The following SREBF2 variants were observed in gnomAD, a reference collection of about 807,000 sequenced individuals.
SREBF2 encodes sterol regulatory element binding transcription factor 2.
Under a neutral mutation model 113.1 loss-of-function variants are expected in SREBF2, and 55 were observed. The observed-to-expected ratio is 0.49, with a 90% CI of 0.39 to 0.61. The LOEUF is 0.61. SREBF2 is among the 20% of genes least tolerant of loss of function. SREBF2 has a pLI of 0.00. For synonymous variants in SREBF2, 593 were observed against 605.7 expected (o/e 0.98, Z 0.31); for missense variants, 1,349 against 1,487.4 (o/e 0.91, Z 1.53).
intron 13 of SREBF2, among the ~76,000 whole-genome samples, chr22:41,895,604 T>A (rs554492331): frequency 1.3e-5 from 2 of 151,316 alleles, no homozygotes; most frequent in African/African-American, 2.4e-5. Context: ...CCTGGCTAAT[T>A]TTTGTACTTT....
intron 16 of SREBF2, among the ~76,000 whole-genome samples, chr22:41,901,620 C>T (rs1477730472): frequency 6.6e-6 from 1 of 152,146 alleles, no homozygotes; most frequent in Non-Finnish European, 1.5e-5. Context: ...GAGATTGCAC[C>T]ACTGCACTCC....
intron 10 of SREBF2, among the ~76,000 whole-genome samples, chr22:41,881,744 G>A (rs1347414305): frequency 6.6e-6 from 1 of 152,180 alleles, no homozygotes; most frequent in Non-Finnish European, 1.5e-5. Flanking sequence ...TAGGAAAATA[G>A]TGATATGATC....
chr22:41,903,684 A>G (rs570574967), intron 17 of SREBF2, among the ~76,000 whole-genome samples: 4 of 152,362 alleles, frequency 2.6e-5, no homozygotes, highest in Non-Finnish European at 5.9e-5. Flanking sequence ...TTGTATTGCT[A>G]TATAATGTAT....
intron 1 of SREBF2, among the ~76,000 whole-genome samples, chr22:41,835,151 T>A (rs913334615): frequency 8.1e-5 from 5 of 61,412 alleles, no homozygotes; most frequent in African/African-American, 1.4e-4. Flanking sequence ...ATTTTTAAAT[T>A]TAAATTTTTA....
At chr22:41,897,717 G>T (rs1348595506) in intron 14 of SREBF2, among the ~76,000 whole-genome samples, 4 of 152,210 alleles carry the variant, frequency 2.6e-5, no homozygotes, top group Non-Finnish European at 5.9e-5. Flanking sequence ...CACCCTGGAA[G>T]ATGGGGGTAC....
Position 41,905,795 on chromosome 22 carries a change from C to A in SREBF2, c.*135C>A. 2.1e-6 allele frequency: 2 copies of A among 975,414 alleles called. No individual in the cohort carries two copies. The highest frequency in any genetic ancestry group is 3.2e-6 in the Non-Finnish European group (2 of 624,516). 60.4% of individuals were successfully genotyped at this position (975,414 alleles called of 1,614,324 possible). ...TGCCGAGGCTTCTGGGCCACTCAGG[C>A]CAGTGCACCCCTGGGCAGAGCCCCT... is the stretch of plus-strand genomic sequence containing the variant. On this transcript the variant is annotated 3_prime_UTR_variant, in exon 19 of 19. Coordinates refer to ENST00000361204, the MANE Select transcript of SREBF2 (RefSeq NM_004599.4).
intron 10 of SREBF2, among the ~76,000 whole-genome samples, chr22:41,882,443 C>T (rs1026903791): frequency 7.2e-5 from 11 of 152,124 alleles, no homozygotes; most frequent in Non-Finnish European, 1.2e-4. Context: ...GAGTGAAAAG[C>T]AAGGGAGCCT....
intron 2 of SREBF2, among the ~76,000 whole-genome samples, chr22:41,867,677 G>A (rs528457056): frequency 5.3e-4 from 81 of 152,170 alleles, no homozygotes; most frequent in African/African-American, 1.8e-3. Flanking sequence ...CATGGTGGCG[G>A]GCGCCTGTAG....
intron 1 of SREBF2, among the ~76,000 whole-genome samples, chr22:41,851,327 C>T (rs2076928324): frequency 6.6e-6 from 1 of 151,956 alleles, no homozygotes; most frequent in African/African-American, 2.4e-5. Context: ...TGGAATCTAA[C>T]CTGGGGATTT....
At chr22:41,868,930 T>A (rs1001721330) in intron 3 of SREBF2, 138 bp downstream of exon 3, 3 of 1,099,644 alleles carry the variant, frequency 2.7e-6, no homozygotes, top group Non-Finnish European at 4.0e-6. Flanking sequence ...GATGCACCTG[T>A]GAGCAGCGTA....
intron 1 of SREBF2, among the ~76,000 whole-genome samples, chr22:41,843,454 C>CGTCT (rs1188690842): frequency 6.6e-6 from 1 of 152,214 alleles, no homozygotes. Flanking sequence ...AACCTACATT[C>CGTCT]GTCTCATAAT....
At chr22:41,887,130 G>A (rs1197202775) in intron 11 of SREBF2, among the ~76,000 whole-genome samples, 1 of 151,862 alleles carries the variant, frequency 6.6e-6, no homozygotes, top group African/African-American at 2.4e-5. Flanking sequence ...CAGGAGAATC[G>A]CCTGAACCTG....
chr22:41,906,041 C>CT lies in SREBF2; in HGVS notation c.*382dup, dbSNP rs1198212799. 4.8e-5 allele frequency: 23 copies of CT among 476,612 alleles called. No individual in the cohort carries two copies. The East Asian group carries it at 1.4e-3, about 29-fold the overall frequency. 29.5% of individuals were successfully genotyped at this position (476,612 alleles called of 1,614,324 possible). On this transcript the variant is annotated 3_prime_UTR_variant, in exon 19 of 19. Transcript: ENST00000361204. ...CAGGCTTTCTCTGGGGGACAGCAGT[C>CT]TCTGAGCACCAGGGAGCAGTTGCCC...
chr22:41,868,518 A>G, intron 2 of SREBF2, 93 bp from the exon 3 acceptor site: 1 of 1,426,754 alleles, frequency 7.0e-7, no homozygotes, highest in South Asian at 1.2e-5. Context: ...AGTTGGAATC[A>G]TTATGAGATA....
chr22:41,868,824 T>C, intron 3 of SREBF2, 32 bp downstream of exon 3: 6 of 1,577,258 alleles, frequency 3.8e-6, no homozygotes, highest in Non-Finnish European at 5.2e-6. Flanking sequence ...AGGGAGGCAC[T>C]GGTTGGGGCT....
chr22:41,862,222 G>A (rs990248233), intron 1 of SREBF2, among the ~76,000 whole-genome samples: 1 of 152,176 alleles, frequency 6.6e-6, no homozygotes, highest in African/African-American at 2.4e-5. Context: ...CAAGCCACAA[G>A]CTCCATAAAG....
At position 41,878,122 on chromosome 22, in the gene SREBF2, G is replaced by C. The variant is rs770776535; in HGVS notation, c.1760G>C (p.Arg587Thr). Reference sequence around the variant, plus strand: ...AAACAGGCAGATCTGGATCTCGCCAGAGTGAGTTCTGTGTCCGCCCTTCCC... The same window carrying C: ...AAACAGGCAGATCTGGATCTCGCCACAGTGAGTTCTGTGTCCGCCCTTCCC... Reference protein sequence around the residue: ...HRKQADLDLARGDFAAAAGNL... With the variant: ...HRKQADLDLATGDFAAAAGNL... Residue 587 changes from arginine to threonine, a missense_variant and splice_region_variant, in exon 9 of 19, where the codon AGA becomes ACA. Arg to Thr is a moderately conservative substitution (Grantham distance 71). Around this residue, in one of 2 missense-constraint regions of SREBF2, gnomAD observed 699 missense variants for 843.3 expected, o/e 0.83. Coordinates refer to ENST00000361204, the MANE Select transcript of SREBF2 (RefSeq NM_004599.4). 3 of 1,613,906 alleles carry C rather than the reference G, an allele frequency of 1.9e-6. No homozygotes were observed. Among genetic ancestry groups the C allele is most frequent in the Non-Finnish European group, 2.5e-6 (3 of 1,180,052 alleles).
intron 4 of SREBF2, 112 bp downstream of exon 4, chr22:41,871,147 C>A: frequency 1.4e-6 from 2 of 1,401,850 alleles, no homozygotes; most frequent in East Asian, 2.3e-5. Flanking sequence ...GGGTCTATAG[C>A]ACAAATCAGT....
rs756304052 is a variant in SREBF2 at position 41,905,530 on chromosome 22, C to T, written c.3296C>T (p.Pro1099Leu). The T allele has an allele frequency of 7.6e-6, 12 of 1,586,482 alleles. No individual in the cohort carries two copies. In the Admixed American group the frequency reaches 1.2e-4, roughly 16 times the overall value. ...RHLPLSFLSS[P>L]GQRAVLLAEA... ...CTGCCCCTCTCCTTCCTCTCCTCCC[C>T]GGGCCAGCGGGCAGTGCTGCTGGCC... is the stretch of plus-strand genomic sequence containing the variant. Residue 1099 changes from proline (P) to leucine (L), a missense_variant, in exon 19 of 19, where the codon CCG becomes CTG. Physicochemically the swap from Pro to Leu is moderately conservative, Grantham distance 98. This residue lies in a region of SREBF2 where 650 missense variants were observed against 644.1 expected (regional missense o/e 1.01). Transcript: ENST00000361204.
Sources: gnomAD v4.1 joint callset for allele counts (sites outside exome capture counted in the v4.1 genomes callset) on GRCh38, gnomAD v4.1.1 for gene constraint, gnomAD v4.1.1 regional missense constraint, MANE v1.5 for transcripts, NCBI Gene and HGNC (gene_info 2026-07-23, HGNC 2026-07-21) for gene names.